The following GMDS variants were observed in gnomAD, a reference collection of about 807,000 sequenced individuals.
GMDS encodes the protein GDP-mannose 4,6 dehydratase.
GMDS carries 20 observed loss-of-function variants against 49.9 expected under a neutral mutation model. The observed-to-expected ratio is 0.40, with a 90% CI of 0.28 to 0.58. The LOEUF (loss-of-function observed/expected upper bound fraction) is 0.58, where lower values mean the gene tolerates loss of function less well. GMDS is among the 20% of genes least tolerant of loss of function. The pLI is 0.42. For synonymous variants in GMDS, 177 were observed against 178.6 expected, an observed-to-expected ratio of 0.99 and a Z score of 0.07; for missense variants, 362 against 481.4, an observed-to-expected ratio of 0.75 and a Z score of 2.32.
intron 4 of GMDS, among the ~76,000 whole-genome samples, chr6:1,975,151 G>C (rs1764828953): frequency 6.6e-6 from 1 of 152,140 alleles, no homozygotes; most frequent in South Asian, 2.1e-4. Flanking sequence ...AACGTCTATG[G>C]CAGCACACCA....
intron 7 of GMDS, among the ~76,000 whole-genome samples, chr6:1,878,328 A>G (rs1333835119): frequency 6.6e-6 from 1 of 151,758 alleles, no homozygotes; most frequent in East Asian, 1.9e-4. Flanking sequence ...AAAAAAAAAA[A>G]AAAAAAAAAA....
intron 1 of GMDS, among the ~76,000 whole-genome samples, chr6:2,183,164 C>A (rs76245134): frequency 1.3e-5 from 2 of 152,188 alleles, no homozygotes; most frequent in Non-Finnish European, 2.9e-5. Flanking sequence ...TTTCAACTTT[C>A]AGTCTTATTA....
At chr6:2,045,425 T>A (rs923531752) in intron 4 of GMDS, among the ~76,000 whole-genome samples, 4 of 152,022 alleles carry the variant, frequency 2.6e-5, no homozygotes, top group Non-Finnish European at 4.4e-5. Context: ...AAGAATTGAA[T>A]AATTAGCTGT....
At chr6:1,733,624 C>T (rs768244662) in intron 8 of GMDS, among the ~76,000 whole-genome samples, 3 of 152,196 alleles carry the variant, frequency 2.0e-5, no homozygotes, top group African/African-American at 2.4e-5. Flanking sequence ...TGAGACTAGT[C>T]GGGGCAACAT....
intron 1 of GMDS, among the ~76,000 whole-genome samples, chr6:2,135,555 C>CTTTTTTTTT (rs1276419101): frequency 1.3e-5 from 2 of 152,022 alleles, no homozygotes; most frequent in Non-Finnish European, 2.9e-5. Flanking sequence ...ATTTGAGTTT[C>CTTTTTTTTT]TATAATCTAG....
chr6:1,664,144 G>C (rs1764168980), intron 9 of GMDS, among the ~76,000 whole-genome samples: 1 of 152,152 alleles, frequency 6.6e-6, no homozygotes, highest in African/African-American at 2.4e-5. Flanking sequence ...TTTTACTTTG[G>C]TGTTTCTTAA....
intron 9 of GMDS, among the ~76,000 whole-genome samples, chr6:1,725,479 T>C (rs1194505094): frequency 6.6e-6 from 1 of 152,108 alleles, no homozygotes; most frequent in Non-Finnish European, 1.5e-5. Flanking sequence ...TTGCCTAGGC[T>C]GGAGTGCAAT....
At chr6:2,063,522 G>T (rs1771317164) in intron 4 of GMDS, among the ~76,000 whole-genome samples, 1 of 151,992 alleles carries the variant, frequency 6.6e-6, no homozygotes, top group Admixed American at 6.6e-5. Context: ...CATAATAAAT[G>T]GTAAGTATAA....
At chr6:1,870,396 C>G (rs912163452) in intron 7 of GMDS, among the ~76,000 whole-genome samples, 2 of 152,170 alleles carry the variant, frequency 1.3e-5, no homozygotes, top group Admixed American at 1.3e-4. Flanking sequence ...CCCTTAGAAG[C>G]ATGATATATG....
chr6:2,190,449 C>T (rs151258852), intron 1 of GMDS, among the ~76,000 whole-genome samples: 2 of 152,320 alleles, frequency 1.3e-5, no homozygotes, highest in Non-Finnish European at 2.9e-5. Context: ...CAGATAAAAA[C>T]ACCAAGGCTC....
chr6:2,239,329 C>CA (rs60419938), intron 1 of GMDS, among the ~76,000 whole-genome samples: 24,254 of 100,868 alleles, frequency 0.24, 3,104 homozygotes, highest in African/African-American at 0.41. Flanking sequence ...AGATCTGTCT[C>CA]AAAAAAAAAA....
chr6:2,091,409 TGTAA>T (rs1376647857), intron 4 of GMDS, among the ~76,000 whole-genome samples: 1 of 152,076 alleles, frequency 6.6e-6, no homozygotes, highest in Non-Finnish European at 1.5e-5. Context: ...ACAAGGACAG[TGTAA>T]GTAATTTAAT....
At chr6:1,753,901 T>C (rs966930411) in intron 7 of GMDS, among the ~76,000 whole-genome samples, 8 of 152,198 alleles carry the variant, frequency 5.3e-5, no homozygotes, top group Non-Finnish European at 8.8e-5. Context: ...GAGGGTAATT[T>C]ATAGTACTAA....
At chr6:1,897,015 A>G (rs1387896416) in intron 7 of GMDS, among the ~76,000 whole-genome samples, 1 of 152,198 alleles carries the variant, frequency 6.6e-6, no homozygotes, top group East Asian at 1.9e-4. Flanking sequence ...CATGGAGCTC[A>G]TATCAACAAA....
chr6:1,807,061 G>C (rs1331756729), intron 7 of GMDS, among the ~76,000 whole-genome samples: 2 of 150,874 alleles, frequency 1.3e-5, no homozygotes, highest in African/African-American at 4.9e-5. Flanking sequence ...TTTTTTTTTT[G>C]AGACAGGGTC....
At chr6:1,916,584 A>C (rs893356680) in intron 7 of GMDS, among the ~76,000 whole-genome samples, 7 of 152,150 alleles carry the variant, frequency 4.6e-5, no homozygotes, top group African/African-American at 1.7e-4. Context: ...AGAGAGAGCC[A>C]ATCGTGGCAC....
intron 7 of GMDS, among the ~76,000 whole-genome samples, chr6:1,862,227 CATTT>C (rs1480175672): frequency 6.6e-6 from 1 of 152,134 alleles, no homozygotes; most frequent in Non-Finnish European, 1.5e-5. Context: ...GACTTAAGCT[CATTT>C]ATTTATTTTT....
intron 4 of GMDS, among the ~76,000 whole-genome samples, chr6:1,970,417 G>A (rs56918331): frequency 0.024 from 3,603 of 152,162 alleles, 139 homozygotes; most frequent in African/African-American, 0.081. Context: ...TCTTTCCCCC[G>A]CCCCCGCCCC....
chr6:2,081,206 G>GA (rs927458252), intron 4 of GMDS, among the ~76,000 whole-genome samples: 26 of 149,318 alleles, frequency 1.7e-4, no homozygotes, highest in South Asian at 4.3e-4. Context: ...TTCTGTGGTG[G>GA]AAAAAAAAAC....
Sources: allele counts gnomAD v4.1 joint callset (sites outside exome capture counted in the v4.1 genomes callset), GRCh38; gene constraint gnomAD v4.1.1; transcripts MANE v1.5; gene names NCBI Gene and HGNC (gene_info 2026-07-23, HGNC 2026-07-21).